The following CLASP2 variants were observed in gnomAD, a reference collection of about 807,000 sequenced individuals.
CLASP2 encodes cytoplasmic linker associated protein 2.
In CLASP2, 47 loss-of-function variants were observed where a neutral mutation model predicts 194.4. The ratio of observed to expected loss-of-function variants is 0.24; its 90% CI spans 0.19 to 0.31. The LOEUF is 0.31. Among genes scored for constraint, CLASP2 ranks in the 10% least tolerant of loss-of-function variants. The probability of loss-of-function intolerance (pLI) is 1.00; values close to 1 mark genes in which losing one functional copy is unlikely to be tolerated. For synonymous variants in CLASP2, 619 were observed against 633.5 expected (o/e 0.98, Z 0.34); for missense variants, 1,445 against 1,823.6 (o/e 0.79, Z 3.78).
intron 29 of CLASP2, among the ~76,000 whole-genome samples, chr3:33,555,955 G>T (rs1216402141): frequency 1.3e-5 from 2 of 152,052 alleles, no homozygotes; most frequent in African/African-American, 4.8e-5. Context: ...ATATTTATTA[G>T]GATATTTTAC....
At position 33,592,516 on chromosome 3, in the gene CLASP2, C is replaced by T. The variant is rs1227976934; in HGVS notation, c.1967-20G>A. 4 of 1,563,094 alleles carry T rather than the reference C, an allele frequency of 2.6e-6. No homozygotes were observed. The Admixed American group carries it at 5.2e-5, about 20-fold the overall frequency. ...CCCGGCCTGAGAAATAAAATATTTA[C>T]ATAATTAAAAACATTTTTCTATAAT... is the stretch of plus-strand genomic sequence containing the variant. On this transcript the variant is annotated intron_variant, in intron 20 of 38. Coordinates refer to ENST00000682230, the MANE Select transcript of CLASP2 (RefSeq NM_001365631.1).
chr3:33,556,439 C>CT (rs145188128), intron 29 of CLASP2, among the ~76,000 whole-genome samples: 10,475 of 143,340 alleles, frequency 0.073, 695 homozygotes, highest in African/African-American at 0.19. Context: ...TTCTTTCTTT[C>CT]TTTTTTTTTT....
chr3:33,531,437 G>A (rs569497410), intron 34 of CLASP2, among the ~76,000 whole-genome samples: 21 of 152,278 alleles, frequency 1.4e-4, no homozygotes, highest in Middle Eastern at 3.4e-3. Context: ...ATAAGCACAG[G>A]AAAAGATGCT....
intron 21 of CLASP2, among the ~76,000 whole-genome samples, chr3:33,591,354 TG>T (rs1413973583): frequency 6.6e-6 from 1 of 152,232 alleles, no homozygotes; most frequent in Non-Finnish European, 1.5e-5. Context: ...GGCTCACACC[TG>T]TAATCCCAGC....
At chr3:33,531,775 CA>C (rs2056374335) in intron 34 of CLASP2, among the ~76,000 whole-genome samples, 1 of 151,772 alleles carries the variant, frequency 6.6e-6, no homozygotes, top group Non-Finnish European at 1.5e-5. Context: ...AACTCTGTCT[CA>C]AAACAAAAAC....
intron 29 of CLASP2, among the ~76,000 whole-genome samples, chr3:33,555,431 T>C (rs1201820192): frequency 2.0e-5 from 3 of 151,692 alleles, no homozygotes; most frequent in African/African-American, 7.3e-5. Flanking sequence ...AGTGGTGTCA[T>C]CTCGGCTCAC....
At position 33,580,400 on chromosome 3, in the gene CLASP2, T is replaced by C. The variant is rs190465896; in HGVS notation, c.2347+1421A>G. Reference sequence around the variant, plus strand: ...CAGTATCATGAAACCCCATCTCTACTAAAAATAGAAAAATTAGCTGGGTGT... The same window carrying C: ...CAGTATCATGAAACCCCATCTCTACCAAAAATAGAAAAATTAGCTGGGTGT... On this transcript the variant is annotated intron_variant, in intron 23 of 38. Transcript: ENST00000682230. Among the ~76,000 whole-genome samples the C allele has an allele frequency of 2.9e-3, 442 of 151,858 alleles. 2 individuals carry two copies. The highest frequency in any genetic ancestry group is 9.5e-3 in the African/African-American group (395 of 41,400).
chr3:33,602,378 G>A (rs538526943), intron 18 of CLASP2: 16 of 614,572 alleles, frequency 2.6e-5, no homozygotes, highest in African/African-American at 1.5e-4. Context: ...GTGTTCTGGC[G>A]ATCTGCCTGC....
At chr3:33,565,794 A>G (rs1376928342) in intron 27 of CLASP2, among the ~76,000 whole-genome samples, 1 of 151,936 alleles carries the variant, frequency 6.6e-6, no homozygotes, top group Non-Finnish European at 1.5e-5. Flanking sequence ...CCTGGGTGAA[A>G]GAGCGAGACT....
intron 37 of CLASP2, among the ~76,000 whole-genome samples, chr3:33,505,656 A>C (rs1005259387): frequency 3.9e-5 from 6 of 152,194 alleles, no homozygotes; most frequent in African/African-American, 1.4e-4. Context: ...CAAGGTATAT[A>C]ATGGAGGGAT....
At chr3:33,675,873 C>A in intron 6 of CLASP2, among the ~76,000 whole-genome samples, 1 of 149,204 alleles carries the variant, frequency 6.7e-6, no homozygotes, top group Non-Finnish European at 1.5e-5. Context: ...ATCCACCTTA[C>A]AAGGGACGTG....
chr3:33,650,659 T>A (rs533764099), intron 7 of CLASP2, among the ~76,000 whole-genome samples: 1 of 149,416 alleles, frequency 6.7e-6, no homozygotes, highest in South Asian at 2.1e-4. Context: ...AGAGATGAAA[T>A]ACAGGAAGAG....
rs576304925 is a variant in CLASP2, at chr3:33,527,468, A to G, written c.3787+7765T>C. ...AACAAGCTCCAAAATTGAATCAGTA[A>G]AACACAGCCTACCAATAATAATAAT... On this transcript the variant is annotated intron_variant, in intron 34 of 38. Coordinates refer to ENST00000682230, the MANE Select transcript of CLASP2 (RefSeq NM_001365631.1). Among the ~76,000 whole-genome samples, 3 of 152,284 alleles carry G rather than the reference A, an allele frequency of 2.0e-5. No homozygotes were observed. In the South Asian group the frequency reaches 6.2e-4, roughly 32 times the overall value.
chr3:33,717,025 T>C (rs1332150456), intron 1 of CLASP2, among the ~76,000 whole-genome samples: 1 of 152,148 alleles, frequency 6.6e-6, no homozygotes, highest in Non-Finnish European at 1.5e-5. Flanking sequence ...ATACAAAATA[T>C]TTACCTGGCC....
Position 33,637,554 on chromosome 3 carries a change from A to C in CLASP2, c.863-5183T>G, listed in dbSNP as rs553433607. The stretch of plus-strand genomic sequence containing the variant: ...GTATCAAACAAAAAAAGAAAAAAGA[A>C]AAAGAAAAAATCTGAACTTCACTAG... On this transcript the variant is annotated intron_variant, in intron 8 of 38. Coordinates refer to ENST00000682230, the MANE Select transcript of CLASP2 (RefSeq NM_001365631.1). Among the ~76,000 whole-genome samples, 17 of 152,250 alleles carry C rather than the reference A, an allele frequency of 1.1e-4. No individual in the cohort carries two copies. In the South Asian group the frequency reaches 3.3e-3, roughly 30 times the overall value.
At chr3:33,668,376 G>A (rs1413395295) in intron 6 of CLASP2, among the ~76,000 whole-genome samples, 1 of 152,106 alleles carries the variant, frequency 6.6e-6, no homozygotes, top group African/African-American at 2.4e-5. Context: ...CAGAAAATTT[G>A]GAAACCATAA....
In CLASP2 at chr3:33,713,372, G is replaced by T. The variant is rs114551509; in HGVS notation, c.195+4436C>A. 8.5e-3 allele frequency among the ~76,000 whole-genome samples: 1,289 copies of T among 152,128 alleles called. 20 individuals are homozygous for T. The highest frequency in any genetic ancestry group is 0.028 in the African/African-American group (1,166 of 41,526). On this transcript the variant is annotated intron_variant, in intron 1 of 38. Coordinates refer to ENST00000682230, the MANE Select transcript of CLASP2 (RefSeq NM_001365631.1). ...AAATTTTTTATGCATATGTAACAAG[G>T]TGACAAAAAGGACAATGTTAAGAGT...
At chr3:33,673,913 C>G (rs535469373) in intron 6 of CLASP2, among the ~76,000 whole-genome samples, 2 of 152,214 alleles carry the variant, frequency 1.3e-5, no homozygotes, top group African/African-American at 2.4e-5. Flanking sequence ...TATATATGCA[C>G]CCAATACAGG....
chr3:33,525,378 G>C (rs1294843854), intron 34 of CLASP2, among the ~76,000 whole-genome samples: 1 of 152,030 alleles, frequency 6.6e-6, no homozygotes, highest in Non-Finnish European at 1.5e-5. Context: ...AGGAAGGGAA[G>C]GGGTGAGTAA....
Sources: allele counts gnomAD v4.1 joint callset (sites outside exome capture counted in the v4.1 genomes callset), GRCh38; gene constraint gnomAD v4.1.1; transcripts MANE v1.5; gene names NCBI Gene and HGNC (gene_info 2026-07-23, HGNC 2026-07-21).